DUOX1: variants seen among roughly 807,000 people sequenced by gnomAD.
The protein encoded by DUOX1 is dual oxidase 1.
DUOX1 carries 134 observed loss-of-function variants against 181.8 expected under a neutral mutation model. The ratio of observed to expected loss-of-function variants is 0.74; its 90% CI spans 0.64 to 0.85. The LOEUF is 0.85. Among genes scored for constraint, DUOX1 ranks in the 40% least tolerant of loss-of-function variants. The pLI, the probability that DUOX1 is intolerant of heterozygous loss-of-function variation, is 0.00. For synonymous variants in DUOX1, 798 were observed against 832.5 expected (o/e 0.96, Z 0.71); for missense variants, 1,814 against 2,064.4 (o/e 0.88, Z 2.35).
intron 29 of DUOX1, among the ~76,000 whole-genome samples, chr15:45,161,251 C>CAAA (rs112900167): frequency 6.8e-6 from 1 of 147,080 alleles, no homozygotes; most frequent in African/African-American, 2.5e-5. Flanking sequence ...GTCTCTACCA[C>CAAA]AAAAAAAAAA....
chr15:45,143,143 C>T, intron 15 of DUOX1, 47 bp from the exon 16 acceptor site: 1 of 1,472,904 alleles, frequency 6.8e-7, no homozygotes, highest in South Asian at 1.2e-5. Flanking sequence ...CTGCTTCCAT[C>T]CCCTAGACCC....
intron 4 of DUOX1, 82 bp from the exon 5 acceptor site, chr15:45,135,022 G>A: frequency 6.5e-7 from 1 of 1,534,078 alleles, no homozygotes; most frequent in East Asian, 2.3e-5. Flanking sequence ...AGCTTCAGGG[G>A]AGGGAAGGAA....
At chr15:45,144,865 T>C in intron 17 of DUOX1, 30 bp from the exon 18 acceptor site, 1 of 1,573,900 alleles carries the variant, frequency 6.4e-7, no homozygotes, top group East Asian at 2.2e-5. Context: ...CCTTGGCAAA[T>C]GGTTGCTTTT....
chr15:45,143,287 C>G lies in DUOX1; in HGVS notation c.1920C>G (p.Leu640=), dbSNP rs199972432. ...GCCAGAGCATCGTGTCTGAGAAGCT[C>G]GTGGGAGGCATGGAAGGTAGGTCTA... ...QDRQSIVSEK[L]VGGMEALEWQ... The change falls in exon 16 of 34, where the codon CTC becomes CTG. Residue 640 remains leucine (L), a synonymous_variant. Transcript: ENST00000389037. The G allele has an allele frequency of 1.1e-5, 18 of 1,613,908 alleles. No homozygotes were observed. Among genetic ancestry groups the G allele is most frequent in the Middle Eastern group, 1.6e-4 (1 of 6,084 alleles).
At chr15:45,147,861 C>A in intron 19 of DUOX1, 43 bp from the exon 20 acceptor site, 1 of 1,574,934 alleles carries the variant, frequency 6.3e-7, no homozygotes, top group Non-Finnish European at 8.7e-7. Context: ...GGGGTTCAGG[C>A]AGGCAGGCGG....
At chr15:45,139,369 C>A in intron 11 of DUOX1, 58 bp from the exon 12 acceptor site, 2 of 1,597,578 alleles carry the variant, frequency 1.3e-6, no homozygotes, top group South Asian at 1.1e-5. Flanking sequence ...GGGGCCTGGA[C>A]TGGACACTGC....
chr15:45,145,414 C>T (rs905700649), intron 18 of DUOX1, among the ~76,000 whole-genome samples: 1 of 152,172 alleles, frequency 6.6e-6, no homozygotes, highest in Non-Finnish European at 1.5e-5. Flanking sequence ...GCAGCGTGGG[C>T]ACCATAAGGG....
intron 17 of DUOX1, 91 bp from the exon 18 acceptor site, chr15:45,144,803 AC>A: frequency 7.3e-7 from 1 of 1,377,152 alleles, no homozygotes. Context: ...TTTCAAGGCC[AC>A]CCCAGTGGCC....
chr15:45,156,824 G>A (rs561489374), intron 28 of DUOX1, among the ~76,000 whole-genome samples: 1 of 152,022 alleles, frequency 6.6e-6, no homozygotes. Context: ...CCCTTCTCAT[G>A]TTCCCTTCAC....
chr15:45,133,520 G>T (rs755219946), intron 2 of DUOX1, among the ~76,000 whole-genome samples: 6 of 152,110 alleles, frequency 3.9e-5, no homozygotes, highest in Non-Finnish European at 8.8e-5. Flanking sequence ...GGGAGCTGAA[G>T]TTTAAGGGGA....
rs1471569523 is a variant in DUOX1, at chr15:45,139,467, C to A, written c.1257C>A (p.His419Gln). Reference sequence around the variant, plus strand: ...CACTGAAGTTTTCCCGCACAGACCACCTGGCCAGCTGCCTGCAGCGGGGCC... The same window carrying A: ...CACTGAAGTTTTCCCGCACAGACCAACTGGCCAGCTGCCTGCAGCGGGGCC... Reference protein sequence around the residue: ...PGPLKFSRTDHLASCLQRGRD... With the variant: ...PGPLKFSRTDQLASCLQRGRD... The change falls in exon 12 of 34, where the codon CAC becomes CAA. Residue 419 changes from histidine (H) to glutamine (Q), a missense_variant. Around this residue, in one of 5 missense-constraint regions of DUOX1, gnomAD observed 1,064 missense variants for 1,152.9 expected, o/e 0.92. Transcript: ENST00000389037. The A allele has an allele frequency of 2.5e-6, 4 of 1,613,272 alleles. No homozygotes were observed. The South Asian group carries it at 4.4e-5, about 18-fold the overall frequency.
chr15:45,135,081 A>G (rs1567007512), intron 4 of DUOX1, 23 bp from the exon 5 acceptor site: 1 of 1,605,970 alleles, frequency 6.2e-7, no homozygotes, highest in Admixed American at 1.7e-5. Context: ...TTGCCCTAGC[A>G]CCCCCTCCTG....
At chr15:45,132,793 C>T (rs1202732325) in intron 2 of DUOX1, among the ~76,000 whole-genome samples, 2 of 152,182 alleles carry the variant, frequency 1.3e-5, no homozygotes, top group East Asian at 3.9e-4. Context: ...CAGCTCTCAC[C>T]TCTTATCCCC....
chr15:45,142,454 G>T lies in DUOX1; in HGVS notation c.1822+342G>T, dbSNP rs574589814. On this transcript the variant is annotated intron_variant, in intron 15 of 33. Transcript: ENST00000389037. ...AAGAACAAGGGCTAAGACGGGGCGC[G>T]GTGGCTCATGCCTGTAATCCCAGCA... Among the ~76,000 whole-genome samples, 7 of 152,242 alleles carry T rather than the reference G, an allele frequency of 4.6e-5. No homozygotes were observed. In the South Asian group the frequency reaches 1.5e-3, roughly 32 times the overall value.
At chr15:45,146,993 A>G (rs116470495) in intron 18 of DUOX1, among the ~76,000 whole-genome samples, 103 of 152,332 alleles carry the variant, frequency 6.8e-4, no homozygotes, top group African/African-American at 2.4e-3. Context: ...AGCATTGACA[A>G]AGGGTCACTT....
At chr15:45,164,162 T>A (rs1444001548) in intron 33 of DUOX1, among the ~76,000 whole-genome samples, 2 of 152,100 alleles carry the variant, frequency 1.3e-5, no homozygotes, top group African/African-American at 4.8e-5. Flanking sequence ...AAGAGCTCAA[T>A]CATTGAGCTA....
intron 33 of DUOX1, 127 bp downstream of exon 33, chr15:45,164,045 G>C (rs1897170389): frequency 7.1e-7 from 1 of 1,415,202 alleles, no homozygotes; most frequent in Non-Finnish European, 9.6e-7. Context: ...GAGATTGGTG[G>C]GGTAATGGAA....
At chr15:45,152,842 T>TA in intron 25 of DUOX1, 1 of 455,674 alleles carries the variant, frequency 2.2e-6, no homozygotes, top group South Asian at 2.2e-5. Context: ...AGTGAACTTC[T>TA]AATGCTGTAA....
chr15:45,139,791 G>C, intron 12 of DUOX1, 192 bp downstream of exon 12: 1 of 696,576 alleles, frequency 1.4e-6, no homozygotes, highest in South Asian at 2.1e-5. Flanking sequence ...ATTTGGCTTT[G>C]CACTCGGATT....
Sources: allele counts gnomAD v4.1 joint callset (sites outside exome capture counted in the v4.1 genomes callset), GRCh38; gene constraint gnomAD v4.1.1; regional missense constraint gnomAD v4.1.1; transcripts MANE v1.5; gene names NCBI Gene and HGNC (gene_info 2026-07-23, HGNC 2026-07-21).